RSPO3: variants seen among roughly 807,000 people sequenced by gnomAD.
RSPO3 encodes R-spondin-3.
In RSPO3, 17 loss-of-function variants were observed where a neutral mutation model predicts 36.5. The ratio of observed to expected loss-of-function variants is 0.47; its 90% CI spans 0.32 to 0.70. The LOEUF (loss-of-function observed/expected upper bound fraction) is 0.70, where lower values mean the gene tolerates loss of function less well. RSPO3 is among the 30% of genes least tolerant of loss of function. The probability of loss-of-function intolerance (pLI) is 0.04; values close to 1 mark genes in which losing one functional copy is unlikely to be tolerated. For synonymous variants in RSPO3, 108 were observed against 107.0 expected, an observed-to-expected ratio of 1.01 and a Z score of -0.06; for missense variants, 294 against 322.5, an observed-to-expected ratio of 0.91 and a Z score of 0.68.
intron 1 of RSPO3, among the ~76,000 whole-genome samples, chr6:127,140,739 T>C (rs2114566470): frequency 6.6e-6 from 1 of 152,278 alleles, no homozygotes; most frequent in Non-Finnish European, 1.5e-5. Context: ...GATGGGAGGA[T>C]CTGGCTCCAA....
rs1775562838 is a variant in RSPO3, at chr6:127,198,715, T to C, written c.*2708T>C. On this transcript the variant is annotated 3_prime_UTR_variant, in exon 5 of 5. Transcript: ENST00000356698. ...CTAGTAGCAGTTGTGTAACCACTAG[T>C]GAGTCACTTAACTCCTCTGGGTCCC... Among the ~76,000 whole-genome samples, 1 of 152,198 alleles carries C rather than the reference T, an allele frequency of 6.6e-6. No individual in the cohort carries two copies. The highest frequency in any genetic ancestry group is 1.5e-5 in the Non-Finnish European group (1 of 68,032).
chr6:127,138,436 T>C (rs1774205649), intron 1 of RSPO3, among the ~76,000 whole-genome samples: 1 of 152,150 alleles, frequency 6.6e-6, no homozygotes, highest in Non-Finnish European at 1.5e-5. Context: ...CCCAAGCTTC[T>C]CACACCTCCT....
chr6:127,169,873 A>C (rs536669166), intron 4 of RSPO3, among the ~76,000 whole-genome samples: 2 of 151,388 alleles, frequency 1.3e-5, no homozygotes, highest in South Asian at 4.2e-4. Flanking sequence ...ATCACTTCTT[A>C]GGGTCTTATT....
Position 127,143,319 on chromosome 6 carries a change from T to C in RSPO3, c.98-5329T>C, listed in dbSNP as rs1026506459. Among the ~76,000 whole-genome samples, 3 of 152,156 alleles carry C rather than the reference T, an allele frequency of 2.0e-5. No homozygotes were observed. The East Asian group carries it at 5.8e-4, about 29-fold the overall frequency. On this transcript the variant is annotated intron_variant, in intron 1 of 4. Coordinates refer to ENST00000356698, the MANE Select transcript of RSPO3 (RefSeq NM_032784.5). ...AAGCGTACAGTCAATGTGAGCACAC[T>C]TCTAAAAAGAGAAGGCATGGAAGAA...
chr6:127,195,900 C>G lies in RSPO3; in HGVS notation c.712C>G (p.Leu238Val). 6.2e-7 allele frequency: 1 copy of G among 1,612,918 alleles called. No individual in the cohort carries two copies. Among genetic ancestry groups the G allele is most frequent in the Non-Finnish European group, 8.5e-7 (1 of 1,179,342 alleles). The change falls in exon 5 of 5, where the codon CTG becomes GTG. Residue 238 changes from leucine to valine, a missense_variant. Leu to Val is a conservative substitution (Grantham distance 32, BLOSUM62 1). Coordinates refer to ENST00000356698, the MANE Select transcript of RSPO3 (RefSeq NM_032784.5). Reference sequence around the variant, plus strand: ...AGAAGCAATACCTGACAGCAAAAGTCTGGAATCCAGCAAAGAAATCCCAGA... The same window carrying G: ...AGAAGCAATACCTGACAGCAAAAGTGTGGAATCCAGCAAAGAAATCCCAGA... ...SKEAIPDSKS[L>V]ESSKEIPEQR...
chr6:127,137,381 A>G (rs2114560335), intron 1 of RSPO3, among the ~76,000 whole-genome samples: 1 of 152,036 alleles, frequency 6.6e-6, no homozygotes, highest in Middle Eastern at 3.4e-3. Context: ...ACAGAGAGAG[A>G]CTCCATCTCA....
intron 4 of RSPO3, among the ~76,000 whole-genome samples, chr6:127,187,975 A>G (rs978860039): frequency 4.6e-5 from 7 of 152,156 alleles, no homozygotes; most frequent in Non-Finnish European, 1.0e-4. Flanking sequence ...TGTTCTTTTA[A>G]CATAGAACAG....
intron 4 of RSPO3, among the ~76,000 whole-genome samples, chr6:127,164,709 C>G (rs1774780132): frequency 6.6e-6 from 1 of 151,982 alleles, no homozygotes; most frequent in Non-Finnish European, 1.5e-5. Flanking sequence ...TGACCTTTTG[C>G]TTGATTATGC....
At chr6:127,141,485 T>C (rs903554929) in intron 1 of RSPO3, among the ~76,000 whole-genome samples, 2 of 152,170 alleles carry the variant, frequency 1.3e-5, no homozygotes, top group Non-Finnish European at 2.9e-5. Flanking sequence ...TTATAGAATA[T>C]AAATATTAGA....
chr6:127,128,602 G>A lies in RSPO3; in HGVS notation c.97+9313G>A, dbSNP rs190078917. 3.3e-5 allele frequency among the ~76,000 whole-genome samples: 5 copies of A among 152,208 alleles called. No homozygotes were observed. In the East Asian group the frequency reaches 9.6e-4, roughly 29 times the overall value. ...GACAGACAAAATAGACGTATGTGGA[G>A]TGTGATTACAAATGAGATAGATGTC... On this transcript the variant is annotated intron_variant, in intron 1 of 4. Coordinates refer to ENST00000356698, the MANE Select transcript of RSPO3 (RefSeq NM_032784.5).
chr6:127,123,643 T>A (rs1227134060), intron 1 of RSPO3, among the ~76,000 whole-genome samples: 1 of 152,096 alleles, frequency 6.6e-6, no homozygotes, highest in Non-Finnish European at 1.5e-5. Context: ...ATGGTAATTT[T>A]AAAATACCTT....
intron 3 of RSPO3, 105 bp downstream of exon 3, chr6:127,150,677 T>G: frequency 9.4e-7 from 1 of 1,069,332 alleles, no homozygotes. Context: ...TGGGCTGAGA[T>G]CTCTTAAAGG....
chr6:127,125,333 C>T (rs977915298), intron 1 of RSPO3, among the ~76,000 whole-genome samples: 3 of 152,102 alleles, frequency 2.0e-5, no homozygotes, highest in East Asian at 1.9e-4. Flanking sequence ...GAATCTGAGA[C>T]CTGAGAAAGA....
At chr6:127,147,881 G>C (rs562654433) in intron 1 of RSPO3, among the ~76,000 whole-genome samples, 1 of 152,022 alleles carries the variant, frequency 6.6e-6, no homozygotes, top group African/African-American at 2.4e-5. Flanking sequence ...AGAAAATATT[G>C]AACATAAATT....
intron 4 of RSPO3, among the ~76,000 whole-genome samples, chr6:127,157,613 C>T (rs1174761806): frequency 2.0e-5 from 3 of 152,004 alleles, no homozygotes; most frequent in Non-Finnish European, 4.4e-5. Flanking sequence ...TTTACATTTA[C>T]AAAGAGAAGT....
intron 4 of RSPO3, chr6:127,192,718 C>T (rs1775437655): frequency 7.1e-6 from 7 of 981,276 alleles, no homozygotes; most frequent in Non-Finnish European, 7.3e-6. Flanking sequence ...CAGGTACGTG[C>T]GTGTACACAT....
At chr6:127,157,910 T>C (rs1040064238) in intron 4 of RSPO3, among the ~76,000 whole-genome samples, 2 of 151,752 alleles carry the variant, frequency 1.3e-5, no homozygotes, top group Non-Finnish European at 2.9e-5. Context: ...ACAAACCAAA[T>C]AGAAAAGTAA....
At chr6:127,176,886 T>C (rs1775067031) in intron 4 of RSPO3, among the ~76,000 whole-genome samples, 1 of 151,826 alleles carries the variant, frequency 6.6e-6, no homozygotes, top group African/African-American at 2.4e-5. Context: ...ATCCCTCAAT[T>C]CCCTGTGGCA....
Position 127,196,091 on chromosome 6 carries a change from C to A in RSPO3, c.*84C>A. 4 of 1,120,696 alleles carry A rather than the reference C, an allele frequency of 3.6e-6. No homozygotes were observed. Among genetic ancestry groups the A allele is most frequent in the Non-Finnish European group, 3.7e-6 (3 of 808,166 alleles). 69.4% of individuals were successfully genotyped at this position (1,120,696 alleles called of 1,614,324 possible). On this transcript the variant is annotated 3_prime_UTR_variant, in exon 5 of 5. Coordinates refer to ENST00000356698, the MANE Select transcript of RSPO3 (RefSeq NM_032784.5). ...ACAGGTGCTCTAGCCATTAGGACCACAAATGGACATGTCAGTTATTGCTCT... is the reference window on the plus strand; with the variant it reads ...ACAGGTGCTCTAGCCATTAGGACCAAAAATGGACATGTCAGTTATTGCTCT...
Sources: allele counts gnomAD v4.1 joint callset (sites outside exome capture counted in the v4.1 genomes callset), GRCh38; gene constraint gnomAD v4.1.1; transcripts MANE v1.5; gene names NCBI Gene and HGNC (gene_info 2026-07-23, HGNC 2026-07-21).